The following LMBRD1 variants were observed in gnomAD, a reference collection of about 807,000 sequenced individuals.
LMBRD1 encodes lysosomal cobalamin transport escort protein LMBD1.
LMBRD1 carries 64 observed loss-of-function variants against 74.8 expected under a neutral mutation model. The observed-to-expected ratio is 0.86, with a 90% CI of 0.70 to 1.05. The LOEUF (loss-of-function observed/expected upper bound fraction) is 1.05. Ranked by LOEUF, LMBRD1 falls within the 50% of genes least tolerant of loss-of-function variation. The probability of loss-of-function intolerance (pLI) is 0.00; values close to 1 mark genes in which losing one functional copy is unlikely to be tolerated. For missense variants in LMBRD1, 652 were observed against 645.9 expected, an observed-to-expected ratio of 1.01 and a Z score of -0.10; for synonymous variants, 204 against 216.3, an observed-to-expected ratio of 0.94 and a Z score of 0.50.
chr6:69,680,672 T>C lies in LMBRD1; in HGVS notation c.1418-4131A>G, dbSNP rs998688743. On this transcript the variant is annotated intron_variant, in intron 14 of 15. Coordinates refer to ENST00000649934, the MANE Select transcript of LMBRD1 (RefSeq NM_018368.4). ...ATTCTGCGTTGTTGTTGAAAAATGA[T>C]AGAAGGCTAAAAATCCACACACACA... 2.6e-5 allele frequency among the ~76,000 whole-genome samples: 4 copies of C among 152,120 alleles called. 1 individual carries two copies. Among genetic ancestry groups the C allele is most frequent in the East Asian group, 1.9e-4 (1 of 5,196 alleles).
intron 9 of LMBRD1, 38 bp downstream of exon 9, chr6:69,713,607 G>C (rs772764297): frequency 1.2e-6 from 2 of 1,608,064 alleles, no homozygotes; most frequent in South Asian, 1.1e-5. Context: ...ATAAACTTGG[G>C]GAAGAGTGAC....
At chr6:69,771,898 T>C (rs1765585063) in intron 3 of LMBRD1, among the ~76,000 whole-genome samples, 1 of 151,370 alleles carries the variant, frequency 6.6e-6, no homozygotes, top group African/African-American at 2.4e-5. Flanking sequence ...TAGTGAGAAG[T>C]GGTCAGATTC....
rs1765263548 is a variant in LMBRD1, at chr6:69,756,212, A to C, written c.308-3856T>G. On this transcript the variant is annotated intron_variant, in intron 3 of 15. Coordinates refer to ENST00000649934, the MANE Select transcript of LMBRD1 (RefSeq NM_018368.4). ...CCCGTCTCTACTAAAAATACAAAAA[A>C]ACTAGCCAGGCATGGTGGCAAGCAC... is the stretch of plus-strand genomic sequence containing the variant. Among the ~76,000 whole-genome samples, 7 of 152,066 alleles carry C rather than the reference A, an allele frequency of 4.6e-5. No homozygotes were observed. The South Asian group carries it at 1.5e-3, about 32-fold the overall frequency.
At chr6:69,716,151 G>A (rs912915655) in intron 8 of LMBRD1, among the ~76,000 whole-genome samples, 13 of 152,130 alleles carry the variant, frequency 8.5e-5, no homozygotes, top group African/African-American at 3.1e-4. Context: ...GATTGCTGGG[G>A]TTGGATGGTA....
intron 12 of LMBRD1, among the ~76,000 whole-genome samples, chr6:69,699,673 A>G (rs1053646160): frequency 3.3e-5 from 5 of 151,854 alleles, no homozygotes; most frequent in African/African-American, 1.2e-4. Flanking sequence ...TATCTATACT[A>G]AAGGGAAATG....
intron 3 of LMBRD1, among the ~76,000 whole-genome samples, chr6:69,757,379 A>T (rs1765288593): frequency 6.6e-6 from 1 of 152,248 alleles, no homozygotes; most frequent in Non-Finnish European, 1.5e-5. Flanking sequence ...GGGGAAATGA[A>T]GTGGAGAACA....
chr6:69,732,729 A>G (rs1766886499), intron 7 of LMBRD1, among the ~76,000 whole-genome samples: 1 of 152,176 alleles, frequency 6.6e-6, no homozygotes, highest in African/African-American at 2.4e-5. Context: ...TTAAAGTTTT[A>G]TGGATAGAGG....
chr6:69,744,446 C>T (rs1451230606), intron 5 of LMBRD1, among the ~76,000 whole-genome samples: 1 of 152,142 alleles, frequency 6.6e-6, no homozygotes, highest in Non-Finnish European at 1.5e-5. Context: ...TTATACTTTT[C>T]CCTCATGCCC....
At chr6:69,786,475 A>G (rs933314844) in intron 2 of LMBRD1, among the ~76,000 whole-genome samples, 16 of 146,124 alleles carry the variant, frequency 1.1e-4, no homozygotes, top group African/African-American at 3.7e-4. Context: ...TATTCATATT[A>G]GTGTCGATTT....
intron 3 of LMBRD1, among the ~76,000 whole-genome samples, chr6:69,759,792 C>T (rs970263465): frequency 1.3e-5 from 2 of 152,030 alleles, no homozygotes; most frequent in Non-Finnish European, 2.9e-5. Flanking sequence ...TATTTAAAAT[C>T]GTAGTATGTA....
intron 6 of LMBRD1, among the ~76,000 whole-genome samples, chr6:69,739,073 T>C (rs1767037802): frequency 6.6e-6 from 1 of 152,134 alleles, no homozygotes; most frequent in Admixed American, 6.5e-5. Flanking sequence ...TTACTGATCA[T>C]ACCAGAAGTA....
At chr6:69,760,829 A>G (rs1029157588) in intron 3 of LMBRD1, among the ~76,000 whole-genome samples, 16 of 152,156 alleles carry the variant, frequency 1.1e-4, no homozygotes, top group African/African-American at 2.9e-4. Flanking sequence ...CCCTATAGAA[A>G]AGTCCACGTA....
At chr6:69,787,257 A>G (rs777415156) in intron 2 of LMBRD1, among the ~76,000 whole-genome samples, 1 of 152,188 alleles carries the variant, frequency 6.6e-6, no homozygotes, top group Non-Finnish European at 1.5e-5. Flanking sequence ...TTTCAGTACT[A>G]CTTTTGAGAG....
chr6:69,735,243 C>T (rs1766949817), intron 7 of LMBRD1, among the ~76,000 whole-genome samples: 1 of 152,130 alleles, frequency 6.6e-6, no homozygotes, highest in Non-Finnish European at 1.5e-5. Flanking sequence ...GCAGGGTGCA[C>T]TCACACATAC....
chr6:69,726,557 A>G (rs959847241), intron 7 of LMBRD1, among the ~76,000 whole-genome samples: 12 of 152,344 alleles, frequency 7.9e-5, no homozygotes, highest in African/African-American at 2.9e-4. Flanking sequence ...TAAGAAGAGT[A>G]AGATTCTGTC....
chr6:69,789,119 C>T (rs553088096), intron 2 of LMBRD1, among the ~76,000 whole-genome samples: 1 of 152,126 alleles, frequency 6.6e-6, no homozygotes, highest in African/African-American at 2.4e-5. Flanking sequence ...TTAAAACTTG[C>T]TAAATGGTGT....
intron 3 of LMBRD1, among the ~76,000 whole-genome samples, chr6:69,769,769 C>T (rs1378169956): frequency 6.6e-6 from 1 of 150,384 alleles, no homozygotes; most frequent in Non-Finnish European, 1.5e-5. Flanking sequence ...TTTATCCCAG[C>T]TCAAAAAAAT....
intron 3 of LMBRD1, among the ~76,000 whole-genome samples, chr6:69,755,588 TAAA>T (rs75543340): frequency 9.0e-4 from 119 of 132,846 alleles, no homozygotes; most frequent in African/African-American, 3.2e-3. Flanking sequence ...TCCCAGAACT[TAAA>T]AAAAAAAAAA....
chr6:69,796,346 C>G (rs1477545115), intron 1 of LMBRD1, among the ~76,000 whole-genome samples: 1 of 152,126 alleles, frequency 6.6e-6, no homozygotes, highest in Non-Finnish European at 1.5e-5. Flanking sequence ...CTCACTAGCC[C>G]CAAGGGTAGG....
Sources: gnomAD v4.1 joint callset for allele counts (sites outside exome capture counted in the v4.1 genomes callset) on GRCh38, gnomAD v4.1.1 for gene constraint, MANE v1.5 for transcripts, NCBI Gene and HGNC (gene_info 2026-07-23, HGNC 2026-07-21) for gene names.